CXXC4: variants seen among roughly 807,000 people sequenced by gnomAD.
The protein encoded by CXXC4 is CXXC finger protein 4.
Under a neutral mutation model 20.5 loss-of-function variants are expected in CXXC4, and 5 were observed. The ratio of observed to expected loss-of-function variants is 0.24; its 90% CI spans 0.13 to 0.51. CXXC4 has a LOEUF of 0.51. CXXC4 is among the 20% of genes least tolerant of loss of function. The pLI, the probability that CXXC4 is intolerant of heterozygous loss-of-function variation, is 0.97. For synonymous variants in CXXC4, 250 were observed against 216.4 expected (o/e 1.16, Z -1.36); for missense variants, 419 against 496.4 (o/e 0.84, Z 1.48).
intron 2 of CXXC4, among the ~76,000 whole-genome samples, chr4:104,485,092 T>C (rs1383355452): frequency 6.6e-6 from 1 of 152,100 alleles, no homozygotes; most frequent in African/African-American, 2.4e-5. Context: ...AAAAAATACA[T>C]ACTTTCTTGA....
At chr4:104,484,936 G>A (rs1034883667) in intron 2 of CXXC4, among the ~76,000 whole-genome samples, 1 of 151,874 alleles carries the variant, frequency 6.6e-6, no homozygotes, top group Non-Finnish European at 1.5e-5. Flanking sequence ...TCACCCTTAT[G>A]CCCCTCCCCC....
rs1170808122 is a variant in CXXC4, at chr4:104,494,744, A to T, written c.-301T>A. 1 of 101,274 alleles carries T rather than the reference A, an allele frequency of 9.9e-6. No individual in the cohort carries two copies. Among genetic ancestry groups the T allele is most frequent in the Admixed American group, 1.2e-4 (1 of 8,392 alleles). 6.3% of individuals were successfully genotyped at this position (101,274 alleles called of 1,614,324 possible). A position where few individuals can be genotyped will look rare whatever the true frequency, so the allele number is the denominator to read the frequency against. On this transcript the variant is annotated 5_prime_UTR_variant, in exon 1 of 3. Transcript: ENST00000394767. ...TCTTGTTGCAGAGAGAAGGAGGAGG[A>T]GATGGTGTTAGTGGTGGGGGTGGAA...
intron 2 of CXXC4, among the ~76,000 whole-genome samples, chr4:104,486,930 A>C (rs958670483): frequency 6.6e-6 from 1 of 152,110 alleles, no homozygotes; most frequent in African/African-American, 2.4e-5. Context: ...CTTAGAACTT[A>C]ACAGCGTAAA....
At chr4:104,484,530 T>C (rs1453312712) in intron 2 of CXXC4, among the ~76,000 whole-genome samples, 4 of 152,000 alleles carry the variant, frequency 2.6e-5, no homozygotes, top group African/African-American at 7.2e-5. Flanking sequence ...ACAATCTCTT[T>C]AGTAAAAAAC....
In CXXC4 at chr4:104,469,148, G is replaced by A. The variant is rs1423209652; in HGVS notation, c.*3174C>T. On this transcript the variant is annotated 3_prime_UTR_variant, in exon 3 of 3. Coordinates refer to ENST00000394767, the MANE Select transcript of CXXC4 (RefSeq NM_025212.4). ...ATGGATACATTTCTACTTTGAATCTGACTCCACTTGTAGACAGACAGGCAG... is the reference window on the plus strand; with the variant it reads ...ATGGATACATTTCTACTTTGAATCTAACTCCACTTGTAGACAGACAGGCAG... The A allele has an allele frequency of 3.3e-5, 5 of 151,966 alleles. No individual in the cohort carries two copies. The highest frequency in any genetic ancestry group is 7.4e-5 in the Non-Finnish European group (5 of 67,962). The allele number at this position is 151,966 out of a possible 1,614,324, so 9.4% of individuals were successfully genotyped here. A position where few individuals can be genotyped will look rare whatever the true frequency, so the allele number is the denominator to read the frequency against.
chr4:104,479,337 ATAAAG>A (rs1187726259), intron 2 of CXXC4, among the ~76,000 whole-genome samples: 1 of 152,170 alleles, frequency 6.6e-6, no homozygotes, highest in Non-Finnish European at 1.5e-5. Flanking sequence ...TTATACGAAA[ATAAAG>A]TAGTTACATT....
intron 2 of CXXC4, among the ~76,000 whole-genome samples, chr4:104,490,490 C>A (rs1428946793): frequency 6.6e-6 from 1 of 152,206 alleles, no homozygotes; most frequent in Non-Finnish European, 1.5e-5. Context: ...TCTGATTCTT[C>A]AATTACATTA....
intron 2 of CXXC4, among the ~76,000 whole-genome samples, chr4:104,476,252 C>T (rs1196316418): frequency 6.6e-6 from 1 of 152,092 alleles, no homozygotes; most frequent in Non-Finnish European, 1.5e-5. Flanking sequence ...AATAATTAAA[C>T]AACCTAAAAT....
intron 2 of CXXC4, among the ~76,000 whole-genome samples, chr4:104,473,644 A>G (rs963796776): frequency 2.0e-5 from 3 of 151,964 alleles, no homozygotes; most frequent in African/African-American, 4.8e-5. Context: ...TAGCCCAACA[A>G]GCCTGTATAA....
intron 2 of CXXC4, 110 bp from the exon 3 acceptor site, chr4:104,472,476 T>C (rs1736301194): frequency 1.6e-6 from 1 of 636,530 alleles, no homozygotes; most frequent in Admixed American, 2.8e-5. Context: ...ATGTACAACA[T>C]AATGACTTGT....
At chr4:104,487,904 G>C (rs1186910273) in intron 2 of CXXC4, among the ~76,000 whole-genome samples, 1 of 152,080 alleles carries the variant, frequency 6.6e-6, no homozygotes, top group Non-Finnish European at 1.5e-5. Context: ...AGGAACACTA[G>C]GGAGGAGGCT....
intron 2 of CXXC4, among the ~76,000 whole-genome samples, chr4:104,486,242 C>T (rs956684052): frequency 9.2e-5 from 14 of 151,984 alleles, no homozygotes; most frequent in South Asian, 2.1e-4. Context: ...TTTAAACTGA[C>T]AGTTAAAATT....
rs1227322668 is a variant in CXXC4 at position 104,469,885 on chromosome 4, TAC to T, written c.*2435_*2436del. 1 of 152,060 alleles carries T rather than the reference TAC, an allele frequency of 6.6e-6. No individual in the cohort carries two copies. The highest frequency in any genetic ancestry group is 2.4e-5 in the African/African-American group (1 of 41,448). 9.4% of individuals were successfully genotyped at this position (152,060 alleles called of 1,614,324 possible). A position where few individuals can be genotyped will look rare whatever the true frequency, so the allele number is the denominator to read the frequency against. ...ATGTAAAACACCACAGTTTACAATATACAGATTCATTAGTTCTTTTAGAAAGC... is the reference window on the plus strand; with the variant it reads ...ATGTAAAACACCACAGTTTACAATATAGATTCATTAGTTCTTTTAGAAAGC... On this transcript the variant is annotated 3_prime_UTR_variant, in exon 3 of 3. Transcript: ENST00000394767.
chr4:104,482,358 G>T (rs975306145), intron 2 of CXXC4, among the ~76,000 whole-genome samples: 3 of 152,066 alleles, frequency 2.0e-5, no homozygotes, highest in Non-Finnish European at 4.4e-5. Context: ...TTACAAAGAA[G>T]AGCTAATGTA....
At position 104,478,457 on chromosome 4, in the gene CXXC4, G is replaced by T. The variant is rs192222401; in HGVS notation, c.1060-6091C>A. The stretch of plus-strand genomic sequence containing the variant: ...AGGTAAAATGACAGATTAACACCAC[G>T]ATTCACACTGGTCCAGAAGTGACCA... On this transcript the variant is annotated intron_variant, in intron 2 of 2. Transcript: ENST00000394767. 9.2e-5 allele frequency among the ~76,000 whole-genome samples: 14 copies of T among 152,210 alleles called. No individual in the cohort carries two copies. The East Asian group carries it at 2.5e-3, about 27-fold the overall frequency.
At position 104,494,827 on chromosome 4, in the gene CXXC4, G is replaced by C. The variant is rs1398684904; in HGVS notation, c.-384C>G. 1 of 151,116 alleles carries C rather than the reference G, an allele frequency of 6.6e-6. No individual in the cohort carries two copies. Among genetic ancestry groups the C allele is most frequent in the Admixed American group, 6.6e-5 (1 of 15,162 alleles). 9.4% of individuals were successfully genotyped at this position (151,116 alleles called of 1,614,324 possible). A position where few individuals can be genotyped will look rare whatever the true frequency, so the allele number is the denominator to read the frequency against. On this transcript the variant is annotated 5_prime_UTR_variant, in exon 1 of 3. Transcript: ENST00000394767. ...AGTGTGAGTGTATGTGTGAGAGCGC[G>C]GGTCTGTTGTCGGTGGTCTCTCCTC...
At position 104,471,456 on chromosome 4, in the gene CXXC4, T is replaced by C. The variant is rs1359138140; in HGVS notation, c.*866A>G. The C allele has an allele frequency of 6.6e-6, 1 of 152,046 alleles. No homozygotes were observed. Among genetic ancestry groups the C allele is most frequent in the Non-Finnish European group, 1.5e-5 (1 of 67,972 alleles). The allele number at this position is 152,046 out of a possible 1,614,324, so 9.4% of individuals were successfully genotyped here. Reference sequence around the variant, plus strand: ...ACACCGTTTTTATAAAAAAAAATTATACAACTGATTCTGCATTTTCCAACT... The same window carrying C: ...ACACCGTTTTTATAAAAAAAAATTACACAACTGATTCTGCATTTTCCAACT... On this transcript the variant is annotated 3_prime_UTR_variant, in exon 3 of 3. Transcript: ENST00000394767.
intron 2 of CXXC4, among the ~76,000 whole-genome samples, chr4:104,472,756 C>A (rs1578313427): frequency 6.6e-6 from 1 of 151,990 alleles, no homozygotes; most frequent in South Asian, 2.1e-4. Context: ...GATCATCTTA[C>A]CGTCAGGATA....
chr4:104,490,009 CATAAA>C (rs967876209), intron 2 of CXXC4, among the ~76,000 whole-genome samples: 15 of 152,186 alleles, frequency 9.9e-5, no homozygotes, highest in African/African-American at 3.6e-4. Context: ...TCTAAAACCA[CATAAA>C]ATAATTTTTA....
Sources: allele counts gnomAD v4.1 joint callset (sites outside exome capture counted in the v4.1 genomes callset), GRCh38; gene constraint gnomAD v4.1.1; transcripts MANE v1.5; gene names NCBI Gene and HGNC (gene_info 2026-07-23, HGNC 2026-07-21).